The following CCDC85A variants were observed in gnomAD, a reference collection of about 807,000 sequenced individuals.
The protein encoded by CCDC85A is coiled-coil domain-containing protein 85A.
A neutral mutation model predicts 50.2 loss-of-function variants in CCDC85A; 38 were observed. The observed-to-expected ratio is 0.76, with a 90% CI of 0.58 to 0.99. CCDC85A has a LOEUF of 0.99. CCDC85A is among the 50% of genes least tolerant of loss of function. CCDC85A has a pLI of 0.00. For synonymous variants in CCDC85A, 366 were observed against 301.4 expected, an observed-to-expected ratio of 1.21 and a Z score of -2.22; for missense variants, 820 against 742.0, an observed-to-expected ratio of 1.11 and a Z score of -1.22.
intron 2 of CCDC85A, among the ~76,000 whole-genome samples, chr2:56,269,557 T>G (rs1003860242): frequency 3.9e-5 from 6 of 152,190 alleles, no homozygotes; most frequent in African/African-American, 1.2e-4. Context: ...AATTTGTCTT[T>G]GCTAACACGT....
At chr2:56,355,067 A>C (rs1019051702) in intron 3 of CCDC85A, among the ~76,000 whole-genome samples, 10 of 152,172 alleles carry the variant, frequency 6.6e-5, no homozygotes, top group African/African-American at 1.7e-4. Context: ...TACTGTCTTA[A>C]GTCTAGTCCT....
chr2:56,252,413 C>T (rs1669802733), intron 2 of CCDC85A, among the ~76,000 whole-genome samples: 1 of 152,132 alleles, frequency 6.6e-6, no homozygotes, highest in East Asian at 1.9e-4. Flanking sequence ...GAAACTCAGC[C>T]TGCTTCTGTG....
intron 2 of CCDC85A, among the ~76,000 whole-genome samples, chr2:56,308,596 A>C (rs1289447846): frequency 2.6e-5 from 4 of 152,204 alleles, no homozygotes; most frequent in Non-Finnish European, 5.9e-5. Flanking sequence ...ATAGGACCTA[A>C]TAATACCTAC....
intron 5 of CCDC85A, among the ~76,000 whole-genome samples, chr2:56,376,161 T>G (rs1676328144): frequency 7.6e-6 from 1 of 131,644 alleles, no homozygotes; most frequent in Non-Finnish European, 1.6e-5. Flanking sequence ...ATCGTTTTGT[T>G]TTGAGAATGT....
At chr2:56,327,159 T>C (rs1028320535) in intron 2 of CCDC85A, among the ~76,000 whole-genome samples, 4 of 152,212 alleles carry the variant, frequency 2.6e-5, no homozygotes, top group Non-Finnish European at 5.9e-5. Context: ...AATATACATA[T>C]GCCTTTAGAA....
intron 2 of CCDC85A, among the ~76,000 whole-genome samples, chr2:56,305,941 A>G (rs1368446144): frequency 6.6e-6 from 1 of 152,186 alleles, no homozygotes; most frequent in African/African-American, 2.4e-5. Flanking sequence ...TAATTGAACT[A>G]TAAATTCACT....
At chr2:56,346,829 A>G (rs1007202010) in intron 3 of CCDC85A, among the ~76,000 whole-genome samples, 3 of 152,236 alleles carry the variant, frequency 2.0e-5, no homozygotes, top group Non-Finnish European at 4.4e-5. Flanking sequence ...AGAATTGCAT[A>G]TAATCTCTTA....
chr2:56,195,158 C>G (rs1161937611), intron 2 of CCDC85A, among the ~76,000 whole-genome samples: 2 of 152,222 alleles, frequency 1.3e-5, no homozygotes, highest in African/African-American at 4.8e-5. Context: ...AAAACACTTT[C>G]TCTTTACAAA....
At chr2:56,295,483 C>T (rs1433169300) in intron 2 of CCDC85A, among the ~76,000 whole-genome samples, 1 of 152,130 alleles carries the variant, frequency 6.6e-6, no homozygotes, top group Non-Finnish European at 1.5e-5. Context: ...AGCAAATCAG[C>T]TTCCGCATGG....
At chr2:56,355,561 TG>T (rs1675182305) in intron 3 of CCDC85A, among the ~76,000 whole-genome samples, 1 of 152,216 alleles carries the variant, frequency 6.6e-6, no homozygotes. Flanking sequence ...TTACGATTTT[TG>T]TAACTCATAT....
intron 2 of CCDC85A, among the ~76,000 whole-genome samples, chr2:56,247,095 G>T (rs1669544154): frequency 6.6e-6 from 1 of 152,096 alleles, no homozygotes; most frequent in Admixed American, 6.5e-5. Flanking sequence ...CTCAAAATGT[G>T]GTTATGCTAT....
chr2:56,229,196 A>C (rs1668677382), intron 2 of CCDC85A, among the ~76,000 whole-genome samples: 1 of 152,206 alleles, frequency 6.6e-6, no homozygotes, highest in African/African-American at 2.4e-5. Context: ...GGGTATATCC[A>C]AAGCTTCATT....
At chr2:56,217,734 C>G (rs1022415758) in intron 2 of CCDC85A, among the ~76,000 whole-genome samples, 1 of 151,694 alleles carries the variant, frequency 6.6e-6, no homozygotes, top group Non-Finnish European at 1.5e-5. Flanking sequence ...GATTTTCCTT[C>G]TAAAAGCTTG....
At chr2:56,352,216 T>C (rs1167484898) in intron 3 of CCDC85A, among the ~76,000 whole-genome samples, 1 of 152,242 alleles carries the variant, frequency 6.6e-6, no homozygotes, top group Non-Finnish European at 1.5e-5. Flanking sequence ...TAGACAAATA[T>C]AAATGTAATA....
intron 2 of CCDC85A, among the ~76,000 whole-genome samples, chr2:56,238,939 T>C (rs1233780852): frequency 6.6e-6 from 1 of 152,190 alleles, no homozygotes; most frequent in Admixed American, 6.5e-5. Context: ...TTTAAAATTG[T>C]ATGTTATCCT....
At chr2:56,358,961 ATTTTTTT>A (rs1247665108) in intron 3 of CCDC85A, among the ~76,000 whole-genome samples, 7 of 35,792 alleles carry the variant, frequency 2.0e-4, no homozygotes, top group South Asian at 1.2e-3. Context: ...ATTTTTTTGT[ATTTTTTT>A]TTTTTTTTTT....
chr2:56,192,866 G>C lies in CCDC85A; in HGVS notation c.666G>C (p.Pro222=). 6.2e-7 allele frequency: 1 copy of C among 1,613,042 alleles called. No individual in the cohort carries two copies. Among genetic ancestry groups the C allele is most frequent in the Non-Finnish European group, 8.5e-7 (1 of 1,179,572 alleles). The change falls in exon 2 of 6, where the codon CCG becomes CCC. Residue 222 remains proline (P), a synonymous_variant. Coordinates refer to ENST00000407595, the MANE Select transcript of CCDC85A (RefSeq NM_001080433.2). This position sits in a 1 kb window ranked among gnomAD's most constrained non-coding sequence, Gnocchi z 4.7. ...CCAGCACTGGCAGCACTGACAGCCC[G>C]GACCACCACAAGCACCACGCGAGCA... is the stretch of plus-strand genomic sequence containing the variant. ...STSSTGSTDS[P]DHHKHHASSG...
chr2:56,222,986 C>G (rs1343501115), intron 2 of CCDC85A, among the ~76,000 whole-genome samples: 1 of 152,086 alleles, frequency 6.6e-6, no homozygotes, highest in Non-Finnish European at 1.5e-5. Flanking sequence ...CTTGATTTAT[C>G]ATGTTGATTC....
At chr2:56,312,813 G>A (rs1290716940) in intron 2 of CCDC85A, among the ~76,000 whole-genome samples, 1 of 152,098 alleles carries the variant, frequency 6.6e-6, no homozygotes, top group African/African-American at 2.4e-5. Context: ...TATGTACTAA[G>A]TAAATTGATC....
Sources: gnomAD v4.1 joint callset for allele counts (sites outside exome capture counted in the v4.1 genomes callset) on GRCh38, gnomAD v4.1.1 for gene constraint, Gnocchi (gnomAD v3.1) non-coding constraint, MANE v1.5 for transcripts, NCBI Gene and HGNC (gene_info 2026-07-23, HGNC 2026-07-21) for gene names.